The following AKAP19 variants were observed in gnomAD, a reference collection of about 807,000 sequenced individuals.
AKAP19 encodes small A-kinase anchoring protein.
At chr2:190,101,848 T>G in the AKAP19 span, among the ~76,000 whole-genome samples, 10 of 152,188 alleles carry the variant, frequency 6.6e-5, no homozygotes, top group Non-Finnish European at 1.2e-4. Context: ...CTATCTAATC[T>G]AATAGATATT....
chr2:190,030,605 A>G, the AKAP19 span, among the ~76,000 whole-genome samples: 1 of 152,362 alleles, frequency 6.6e-6, no homozygotes, highest in Non-Finnish European at 1.5e-5. Context: ...ACAACCAGTT[A>G]CCCATAACTA....
At chr2:190,128,176 G>A in the AKAP19 span, among the ~76,000 whole-genome samples, 28 of 152,238 alleles carry the variant, frequency 1.8e-4, no homozygotes, top group South Asian at 4.1e-4. Context: ...GTCTCTTTAA[G>A]GAAGTGAAAT....
At chr2:190,189,751 T>C in the AKAP19 span, 1 of 152,160 alleles carries the variant, frequency 6.6e-6, no homozygotes, top group African/African-American at 2.4e-5. Flanking sequence ...TTCAAATTGG[T>C]TTCTCATTTA....
At chr2:189,936,648 T>A in the AKAP19 span, among the ~76,000 whole-genome samples, 1 of 152,114 alleles carries the variant, frequency 6.6e-6, no homozygotes, top group Admixed American at 6.5e-5. Flanking sequence ...CAAATTTTTT[T>A]ATTGATGAAA....
chr2:190,200,480 T>C, the AKAP19 span: 1 of 211,570 alleles, frequency 4.7e-6, no homozygotes, highest in African/African-American at 2.4e-5. Context: ...CAAATTCCAA[T>C]GGTTGAAGTT....
chr2:189,935,337 A>C, the AKAP19 span, among the ~76,000 whole-genome samples: 3 of 152,066 alleles, frequency 2.0e-5, no homozygotes, highest in South Asian at 6.2e-4. Context: ...AAATTCTGGA[A>C]AAGATAGTTT....
At chr2:190,076,570 T>C in the AKAP19 span, among the ~76,000 whole-genome samples, 1 of 151,834 alleles carries the variant, frequency 6.6e-6, no homozygotes, top group South Asian at 2.1e-4. Flanking sequence ...AATTCTATAT[T>C]GCCAACATTT....
At chr2:189,930,830 T>C in the AKAP19 span, 2 of 793,040 alleles carry the variant, frequency 2.5e-6, no homozygotes, top group South Asian at 2.8e-5. Flanking sequence ...TGAGCTATCC[T>C]AATTTGTTAG....
chr2:190,029,055 AT>A, the AKAP19 span, among the ~76,000 whole-genome samples: 426 of 144,282 alleles, frequency 3.0e-3, 1 homozygote, highest in Middle Eastern at 3.6e-3. Context: ...ACCTGTAAGG[AT>A]TTTTTTTTTT....
chr2:189,901,666 T>C, the AKAP19 span, among the ~76,000 whole-genome samples: 27 of 152,212 alleles, frequency 1.8e-4, no homozygotes, highest in Admixed American at 1.8e-3. Flanking sequence ...TTAAAATTCA[T>C]ATGGAAATTC....
At chr2:190,194,513 CACACACGCA>C in the AKAP19 span, among the ~76,000 whole-genome samples, 4 of 150,766 alleles carry the variant, frequency 2.7e-5, no homozygotes, top group African/African-American at 9.8e-5. Context: ...CACACACACA[CACACACGCA>C]GCATCTCCCA....
At chr2:190,016,966 T>A in the AKAP19 span, among the ~76,000 whole-genome samples, 1 of 152,176 alleles carries the variant, frequency 6.6e-6, no homozygotes, top group Non-Finnish European at 1.5e-5. Context: ...GGTACTCTGA[T>A]GTTGAGTACA....
At chr2:190,025,670 AT>A in the AKAP19 span, among the ~76,000 whole-genome samples, 1 of 152,180 alleles carries the variant, frequency 6.6e-6, no homozygotes, top group Non-Finnish European at 1.5e-5. Context: ...TTTCTGCGCA[AT>A]ACCAGACTTT....
the AKAP19 span, among the ~76,000 whole-genome samples, chr2:190,076,727 A>T: frequency 6.6e-6 from 1 of 152,140 alleles, no homozygotes; most frequent in Non-Finnish European, 1.5e-5. Context: ...AATTCTCAGC[A>T]GTGGTATTTG....
the AKAP19 span, among the ~76,000 whole-genome samples, chr2:190,135,715 A>G: frequency 3.9e-5 from 6 of 152,206 alleles, no homozygotes; most frequent in African/African-American, 1.4e-4. Flanking sequence ...AATGGTATCT[A>G]TTTCAAGAAG....
At chr2:190,099,695 G>C in the AKAP19 span, among the ~76,000 whole-genome samples, 1 of 152,152 alleles carries the variant, frequency 6.6e-6, no homozygotes, top group Non-Finnish European at 1.5e-5. Context: ...TGTGAAGCAC[G>C]ATAAAGTGAA....
chr2:189,993,107 G>A, the AKAP19 span, among the ~76,000 whole-genome samples: 2 of 152,292 alleles, frequency 1.3e-5, no homozygotes, highest in Admixed American at 6.5e-5. Flanking sequence ...TTCCCTGGGG[G>A]AATGCTTTCA....
At chr2:189,924,438 C>T in the AKAP19 span, among the ~76,000 whole-genome samples, 2 of 152,068 alleles carry the variant, frequency 1.3e-5, no homozygotes, top group African/African-American at 4.8e-5. Context: ...TAAGTCTTAC[C>T]CTGTAATTTT....
At chr2:190,003,087 A>T in the AKAP19 span, among the ~76,000 whole-genome samples, 1 of 152,056 alleles carries the variant, frequency 6.6e-6, no homozygotes, top group African/African-American at 2.4e-5. Flanking sequence ...TAGAATTAAA[A>T]GATAACAAAT....
Sources: gnomAD v4.1 joint callset for allele counts (sites outside exome capture counted in the v4.1 genomes callset) on GRCh38, gnomAD v4.1.1 for gene constraint, MANE v1.5 for transcripts, NCBI Gene and HGNC (gene_info 2026-07-23, HGNC 2026-07-21) for gene names.